Variants in UQCRB observed in about 807,000 individuals in gnomAD.
The protein encoded by UQCRB is ubiquinol-cytochrome c reductase binding protein, also known as cytochrome b-c1 complex subunit 7.
Under a neutral mutation model 19.8 loss-of-function variants are expected in UQCRB, and 12 were observed. The observed-to-expected ratio is 0.61, with a 90% CI of 0.39 to 0.98. The LOEUF (loss-of-function observed/expected upper bound fraction) is 0.98, where lower values mean the gene tolerates loss of function less well. Ranked by LOEUF, UQCRB falls within the 50% of genes least tolerant of loss-of-function variation. UQCRB has a pLI of 0.00. For missense variants in UQCRB, 142 were observed against 131.8 expected, an observed-to-expected ratio of 1.08 and a Z score of -0.38; for synonymous variants, 39 against 42.9, an observed-to-expected ratio of 0.91 and a Z score of 0.35.
At chr8:96,235,029 A>G in intron 1 of UQCRB, 1 of 252,138 alleles carries the variant, frequency 4.0e-6, no homozygotes, top group South Asian at 4.3e-5. Flanking sequence ...TTCCAATTCT[A>G]CTTCCTTGGG....
chr8:96,231,901 A>C lies in UQCRB; in HGVS notation c.131T>G (p.Val44Gly). ...AGGAAGTCTTCTTATGGCTTCTTTT[A>C]CATCTTCATCCTCGTATATTGTATC... ...RDDTIYEDED[V>G]KEAIRRLPEN... is the part of the protein sequence containing the mutation. Residue 44 changes from valine (V) to glycine (G), a missense_variant, in exon 3 of 4, where the codon GTA (valine) becomes GGA (glycine). Physicochemically the swap from Val to Gly is moderately radical, Grantham distance 109. Transcript: ENST00000287022. 6.2e-7 allele frequency: 1 copy of C among 1,613,920 alleles called. No individual in the cohort carries two copies. The highest frequency in any genetic ancestry group is 8.5e-7 in the Non-Finnish European group (1 of 1,180,026).
chr8:96,230,747 C>T lies in UQCRB; in HGVS notation c.*308G>A, dbSNP rs1403226011. 3.8e-6 allele frequency: 2 copies of T among 529,646 alleles called. No homozygotes were observed. The highest frequency in any genetic ancestry group is 7.3e-6 in the Non-Finnish European group (2 of 275,772). 32.8% of individuals were successfully genotyped at this position (529,646 alleles called of 1,614,324 possible). A position where few individuals can be genotyped will look rare whatever the true frequency, so the allele number is the denominator to read the frequency against. On this transcript the variant is annotated 3_prime_UTR_variant, in exon 4 of 4. Transcript: ENST00000287022. Reference sequence around the variant, plus strand: ...TTCAGTAGCTTCCATAAGGATGTAACTTACGGAAGTTATATCCTTCCATAA... The same window carrying T: ...TTCAGTAGCTTCCATAAGGATGTAATTTACGGAAGTTATATCCTTCCATAA...
rs1426366713 is a variant in UQCRB, at chr8:96,226,229, T to G, written c.*4826A>C. 1.3e-5 allele frequency: 2 copies of G among 152,260 alleles called. No individual in the cohort carries two copies. Among genetic ancestry groups the G allele is most frequent in the Non-Finnish European group, 2.9e-5 (2 of 68,078 alleles). 9.4% of individuals were successfully genotyped at this position (152,260 alleles called of 1,614,324 possible). A position where few individuals can be genotyped will look rare whatever the true frequency, so the allele number is the denominator to read the frequency against. On this transcript the variant is annotated 3_prime_UTR_variant, in exon 4 of 4. Transcript: ENST00000287022. ...TGGACTTTCGAAGCCTAATTTCTTCTTCCATACAATGGGCATTATAATAGC... is the reference window on the plus strand; with the variant it reads ...TGGACTTTCGAAGCCTAATTTCTTCGTCCATACAATGGGCATTATAATAGC...
chr8:96,230,673 G>A lies in UQCRB; in HGVS notation c.*382C>T, dbSNP rs760320384. 1 of 466,436 alleles carries A rather than the reference G, an allele frequency of 2.1e-6. No individual in the cohort carries two copies. Among genetic ancestry groups the A allele is most frequent in the South Asian group, 1.5e-5 (1 of 64,568 alleles). The allele number at this position is 466,436 out of a possible 1,614,324, so 28.9% of individuals were successfully genotyped here. On this transcript the variant is annotated 3_prime_UTR_variant, in exon 4 of 4. Transcript: ENST00000287022. The stretch of plus-strand genomic sequence containing the variant: ...AATCTGTTTGCATACCAGTGAAGAG[G>A]CTATTTCTCAATCTTGGCAAACTAG...
chr8:96,231,291 A>G, intron 3 of UQCRB, 159 bp from the exon 4 acceptor site: 1 of 1,557,430 alleles, frequency 6.4e-7, no homozygotes, highest in Non-Finnish European at 8.7e-7. Context: ...TAAAATGTCA[A>G]ATCTGTGGTG....
intron 3 of UQCRB, 124 bp downstream of exon 3, chr8:96,231,650 A>C: frequency 6.9e-7 from 1 of 1,444,130 alleles, no homozygotes; most frequent in Non-Finnish European, 9.7e-7. Flanking sequence ...TTGCTTTATT[A>C]ACCTCACATA....
rs986657664 is a variant in UQCRB, at chr8:96,227,006, G to T, written c.*4049C>A. ...AGATCTCAGATTCTAACATGTTATG[G>T]CTTTTAATATGAACGCCAGTATAAC... is the stretch of plus-strand genomic sequence containing the variant. On this transcript the variant is annotated 3_prime_UTR_variant, in exon 4 of 4. Transcript: ENST00000287022. 1.8e-5 allele frequency: 8 copies of T among 453,844 alleles called. No homozygotes were observed. The highest frequency in any genetic ancestry group is 9.3e-5 in the South Asian group (6 of 64,428). 28.1% of individuals were successfully genotyped at this position (453,844 alleles called of 1,614,324 possible).
Position 96,225,717 on chromosome 8 carries a change from C to T in UQCRB, c.*5338G>A, listed in dbSNP as rs764379094. 2.0e-5 allele frequency among the ~76,000 whole-genome samples: 3 copies of T among 152,016 alleles called. No individual in the cohort carries two copies. The highest frequency in any genetic ancestry group is 2.9e-5 in the Non-Finnish European group (2 of 68,002). On this transcript the variant is annotated 3_prime_UTR_variant, in exon 4 of 4. Coordinates refer to ENST00000287022, the MANE Select transcript of UQCRB (RefSeq NM_006294.5). ...TTGCTTACTGTTCTGGAATCAGCCA[C>T]ATTATCAGAGGCCCTGATTCCCATC...
In UQCRB at chr8:96,227,840, A is replaced by G. The variant is rs1217150427; in HGVS notation, c.*3215T>C. On this transcript the variant is annotated 3_prime_UTR_variant, in exon 4 of 4. Coordinates refer to ENST00000287022, the MANE Select transcript of UQCRB (RefSeq NM_006294.5). The stretch of plus-strand genomic sequence containing the variant: ...CTAAATGAAATCACTACCAAAATGT[A>G]CACTTTGGATTTATTAAGATTCTAG... The G allele has an allele frequency of 2.2e-6, 1 of 453,968 alleles. No homozygotes were observed. The highest frequency in any genetic ancestry group is 1.6e-5 in the South Asian group (1 of 64,458). 28.1% of individuals were successfully genotyped at this position (453,968 alleles called of 1,614,324 possible). A position where few individuals can be genotyped will look rare whatever the true frequency, so the allele number is the denominator to read the frequency against.
At position 96,223,855 on chromosome 8, in the gene UQCRB, T is replaced by C. The variant is rs950049388; in HGVS notation, c.*7200A>G. On this transcript the variant is annotated 3_prime_UTR_variant, in exon 4 of 4. Coordinates refer to ENST00000287022, the MANE Select transcript of UQCRB (RefSeq NM_006294.5). ...ACTGGCATTTACCTGCATTAAATTGTGTAGAAGAGTAAGTCTCTGATTGGA... is the reference window on the plus strand; with the variant it reads ...ACTGGCATTTACCTGCATTAAATTGCGTAGAAGAGTAAGTCTCTGATTGGA... Among the ~76,000 whole-genome samples the C allele has an allele frequency of 6.6e-6, 1 of 152,138 alleles. No individual in the cohort carries two copies. Among genetic ancestry groups the C allele is most frequent in the Non-Finnish European group, 1.5e-5 (1 of 68,022 alleles).
chr8:96,235,338 C>T, intron 1 of UQCRB, 174 bp downstream of exon 1: 1 of 983,600 alleles, frequency 1.0e-6, no homozygotes, highest in South Asian at 1.4e-5. Flanking sequence ...CAAGCCCGCC[C>T]TGGGGACAGC....
At position 96,228,892 on chromosome 8, in the gene UQCRB, G is replaced by A. The variant is rs1422042424; in HGVS notation, c.*2163C>T. On this transcript the variant is annotated 3_prime_UTR_variant, in exon 4 of 4. Transcript: ENST00000287022. ...TTTGGTCTACAGGACAATGCAGAGTGCCTGTGTTTCAGGCACTCTCATGGT... is the reference window on the plus strand; with the variant it reads ...TTTGGTCTACAGGACAATGCAGAGTACCTGTGTTTCAGGCACTCTCATGGT... 1 of 453,966 alleles carries A rather than the reference G, an allele frequency of 2.2e-6. No individual in the cohort carries two copies. Among genetic ancestry groups the A allele is most frequent in the Non-Finnish European group, 4.4e-6 (1 of 226,790 alleles). 28.1% of individuals were successfully genotyped at this position (453,966 alleles called of 1,614,324 possible).
chr8:96,230,201 G>A lies in UQCRB; in HGVS notation c.*854C>T, dbSNP rs555592484. On this transcript the variant is annotated 3_prime_UTR_variant, in exon 4 of 4. Transcript: ENST00000287022. ...AGCAATTCTCCTCCCTCAGCCTCCC[G>A]AGTAGCTGGGATTACAGGTGCCTAC... 3.3e-5 allele frequency: 15 copies of A among 449,770 alleles called. No individual in the cohort carries two copies. The East Asian group carries it at 4.9e-4, about 15-fold the overall frequency. The allele number at this position is 449,770 out of a possible 1,614,324, so 27.9% of individuals were successfully genotyped here.
chr8:96,227,731 T>C lies in UQCRB; in HGVS notation c.*3324A>G, dbSNP rs1029672810. ...ATTATTACTTTGGGCTTTGGCCCAG[T>C]TTTTATTCTTACTGCTGAATCTTTT... On this transcript the variant is annotated 3_prime_UTR_variant, in exon 4 of 4. Transcript: ENST00000287022. The C allele has an allele frequency of 2.2e-5, 10 of 453,642 alleles. No homozygotes were observed. The highest frequency in any genetic ancestry group is 4.4e-5 in the Non-Finnish European group (10 of 226,646). 28.1% of individuals were successfully genotyped at this position (453,642 alleles called of 1,614,324 possible).
Position 96,229,895 on chromosome 8 carries a change from C to T in UQCRB, c.*1160G>A, listed in dbSNP as rs568369191. On this transcript the variant is annotated 3_prime_UTR_variant, in exon 4 of 4. Coordinates refer to ENST00000287022, the MANE Select transcript of UQCRB (RefSeq NM_006294.5). The stretch of plus-strand genomic sequence containing the variant: ...ACAAACTTTAAATGTAACACAAATT[C>T]GTTTTTCACACTGTTTTGTTATTTG... 67 of 436,498 alleles carry T rather than the reference C, an allele frequency of 1.5e-4. No homozygotes were observed. The highest frequency in any genetic ancestry group is 9.7e-4 in the South Asian group (62 of 63,886). The allele number at this position is 436,498 out of a possible 1,614,324, so 27.0% of individuals were successfully genotyped here. A position where few individuals can be genotyped will look rare whatever the true frequency, so the allele number is the denominator to read the frequency against.
Position 96,235,494 on chromosome 8 carries a change from A to T in UQCRB, c.19+18T>A. ...TGAAGCGCGACGATGCCGGCCAAGA[A>T]GACCCCCAGTTACTTACCGGCCTGC... On this transcript the variant is annotated intron_variant, in intron 1 of 3. Transcript: ENST00000287022. 1 of 1,614,236 alleles carries T rather than the reference A, an allele frequency of 6.2e-7. No individual in the cohort carries two copies. The highest frequency in any genetic ancestry group is 1.1e-5 in the South Asian group (1 of 91,090).
Position 96,224,664 on chromosome 8 carries a change from T to C in UQCRB, c.*6391A>G, listed in dbSNP as rs974876504. Among the ~76,000 whole-genome samples the C allele has an allele frequency of 6.6e-6, 1 of 152,262 alleles. No homozygotes were observed. The highest frequency in any genetic ancestry group is 2.1e-4 in the South Asian group (1 of 4,824). On this transcript the variant is annotated 3_prime_UTR_variant, in exon 4 of 4. Transcript: ENST00000287022. ...CTTCCTCACATCCACCTCTTACACA[T>C]CTAACTGATATCCAGTCAGGCCAAC...
rs778654929 is a variant in UQCRB, at chr8:96,233,212, T to G, written c.35A>C (p.Lys12Thr). The G allele has an allele frequency of 6.2e-7, 1 of 1,613,792 alleles. No individual in the cohort carries two copies. Among genetic ancestry groups the G allele is most frequent in the East Asian group, 2.2e-5 (1 of 44,846 alleles). ...CCATTTTCGAATACCATCCAGCCAC[T>G]TGCCTGATGCTGAAACTGATAATTG... ...AGKQAVSASG[K>T]WLDGIRKWYY... Residue 12 changes from lysine (K) to threonine (T), a missense_variant, in exon 2 of 4, where the codon AAG (lysine) becomes ACG (threonine). Lys to Thr is a moderately conservative substitution (Grantham distance 78). This residue lies in a region of UQCRB where 132 missense variants were observed against 107.5 expected (regional missense o/e 1.23). Transcript: ENST00000287022.
chr8:96,232,946 C>T, intron 2 of UQCRB: 1 of 556,656 alleles, frequency 1.8e-6, no homozygotes, highest in South Asian at 2.3e-5. Context: ...ATTTTAGAGG[C>T]TTTCATCCCT....
Sources: gnomAD v4.1 joint callset for allele counts (sites outside exome capture counted in the v4.1 genomes callset) on GRCh38, gnomAD v4.1.1 for gene constraint, gnomAD v4.1.1 regional missense constraint, MANE v1.5 for transcripts, NCBI Gene and HGNC (gene_info 2026-07-23, HGNC 2026-07-21) for gene names.